Variants in HERC6 observed in about 807,000 individuals in gnomAD.
HERC6 encodes the protein probable E3 ubiquitin-protein ligase HERC6.
In HERC6, 101 loss-of-function variants were observed where a neutral mutation model predicts 114.5. The observed-to-expected ratio is 0.88, with a 90% CI of 0.75 to 1.04. The LOEUF is 1.04. Among genes scored for constraint, HERC6 ranks in the 50% least tolerant of loss-of-function variants. The pLI is 0.00. For synonymous variants in HERC6, 408 were observed against 436.2 expected (o/e 0.94, Z 0.81); for missense variants, 1,133 against 1,230.9 (o/e 0.92, Z 1.19).
At chr4:88,428,920 T>G (rs1480698148) in intron 16 of HERC6, among the ~76,000 whole-genome samples, 170 bp downstream of exon 16, 1 of 152,276 alleles carries the variant, frequency 6.6e-6, no homozygotes, top group African/African-American at 2.4e-5. Flanking sequence ...GATGCTTAAC[T>G]GCACAGTGGG....
At chr4:88,383,058 T>G (rs1445738977) in intron 1 of HERC6, 163 bp from the exon 2 acceptor site, 7 of 791,500 alleles carry the variant, frequency 8.8e-6, no homozygotes, top group Non-Finnish European at 1.4e-5. Context: ...ATTTACTTCC[T>G]TCAGACATTT....
chr4:88,442,625 C>T lies in HERC6; in HGVS notation c.*165C>T, dbSNP rs191628041. 70 of 640,066 alleles carry T rather than the reference C, an allele frequency of 1.1e-4. No homozygotes were observed. The East Asian group carries it at 1.7e-3, about 15-fold the overall frequency. The allele number at this position is 640,066 out of a possible 1,614,324, so 39.6% of individuals were successfully genotyped here. A position where few individuals can be genotyped will look rare whatever the true frequency, so the allele number is the denominator to read the frequency against. On this transcript the variant is annotated 3_prime_UTR_variant, in exon 23 of 23. Coordinates refer to ENST00000264346, the MANE Select transcript of HERC6 (RefSeq NM_017912.4). The stretch of plus-strand genomic sequence containing the variant: ...GATGGTCAAAGGGTGCAAAATCTCA[C>T]ACAAGACTGAGGCAGGAGAATAGGG...
intron 13 of HERC6, among the ~76,000 whole-genome samples, chr4:88,418,517 A>G (rs1336703153): frequency 1.3e-5 from 2 of 152,132 alleles, no homozygotes; most frequent in Non-Finnish European, 2.9e-5. Context: ...TTCTGGCTCA[A>G]AGAGCTACAG....
rs960132797 is a variant in HERC6, at chr4:88,397,984, GA to G, written c.1025-151del. The G allele has an allele frequency of 1.6e-3, 846 of 541,312 alleles. 3 individuals carry two copies. The highest frequency in any genetic ancestry group is 2.5e-3 in the Non-Finnish European group (779 of 305,782). The allele number at this position is 541,312 out of a possible 1,614,324, so 33.5% of individuals were successfully genotyped here. ...TCTTTTATTTCAATATGATGGGAGG[GA>G]AAAAAAGAAAAAAATTAATCTTTTA... On this transcript the variant is annotated intron_variant, in intron 7 of 22. Coordinates refer to ENST00000264346, the MANE Select transcript of HERC6 (RefSeq NM_017912.4).
chr4:88,431,426 G>C (rs1191942769), intron 17 of HERC6, 121 bp downstream of exon 17: 9 of 1,159,534 alleles, frequency 7.8e-6, no homozygotes, highest in Non-Finnish European at 9.7e-6. Context: ...CTCATATTTT[G>C]AGTAGTACTC....
chr4:88,404,907 C>T lies in HERC6; in HGVS notation c.1124C>T (p.Thr375Ile). The stretch of plus-strand genomic sequence containing the variant: ...AGTTCCACACGTGCTCCCGGGAAAA[C>T]CCTGCCAGAAATAAGCCGAATTAGC... ...DTSSTRAPGK[T>I]LPEISRISQS... The change falls in exon 9 of 23, where the codon ACC (threonine) becomes ATC (isoleucine). Residue 375 changes from threonine to isoleucine, a missense_variant. Thr to Ile is a moderately conservative substitution (Grantham distance 89). Transcript: ENST00000264346. 1 of 1,613,760 alleles carries T rather than the reference C, an allele frequency of 6.2e-7. No individual in the cohort carries two copies. The highest frequency in any genetic ancestry group is 8.5e-7 in the Non-Finnish European group (1 of 1,179,746).
chr4:88,436,809 C>A, intron 18 of HERC6, 96 bp from the exon 19 acceptor site: 2 of 724,384 alleles, frequency 2.8e-6, no homozygotes, highest in East Asian at 3.0e-5. Flanking sequence ...ATATTTTATA[C>A]ATTTCTATAT....
intron 11 of HERC6, among the ~76,000 whole-genome samples, chr4:88,411,293 A>C (rs1355870133): frequency 6.6e-6 from 1 of 152,166 alleles, no homozygotes; most frequent in Non-Finnish European, 1.5e-5. Flanking sequence ...TTAATGAGAA[A>C]ACTTTGGGAA....
intron 10 of HERC6, among the ~76,000 whole-genome samples, chr4:88,406,627 G>A (rs1370039315): frequency 2.6e-5 from 4 of 152,186 alleles, no homozygotes; most frequent in African/African-American, 7.2e-5. Flanking sequence ...CAAAGATTGC[G>A]AAAGAGAATA....
At chr4:88,385,613 G>A in intron 3 of HERC6, 38 bp downstream of exon 3, 2 of 1,096,010 alleles carry the variant, frequency 1.8e-6, no homozygotes, top group South Asian at 1.5e-5. Context: ...TGAGTAGGAA[G>A]TAATTTTTTG....
chr4:88,424,522 GA>G (rs1737399922), intron 14 of HERC6, 72 bp from the exon 15 acceptor site: 1 of 1,120,918 alleles, frequency 8.9e-7, no homozygotes. Flanking sequence ...AAAAAAAGGC[GA>G]TAAGGTAAAG....
intron 13 of HERC6, among the ~76,000 whole-genome samples, chr4:88,422,716 G>A (rs576103056): frequency 4.1e-4 from 63 of 152,204 alleles, no homozygotes; most frequent in Middle Eastern, 3.4e-3. Context: ...GCCCCTGTGA[G>A]GTTTCTGGAC....
At chr4:88,395,697 A>T (rs80215316) in intron 5 of HERC6, among the ~76,000 whole-genome samples, 5,065 of 150,174 alleles carry the variant, frequency 0.034, 263 homozygotes, top group African/African-American at 0.11. Context: ...TTTTTTTTTT[A>T]AATTTGTGTA....
intron 12 of HERC6, among the ~76,000 whole-genome samples, chr4:88,414,974 C>G (rs1002898066): frequency 7.9e-5 from 12 of 152,082 alleles, no homozygotes; most frequent in African/African-American, 2.9e-4. Context: ...CAGCAGTAAG[C>G]TATCAGCATA....
chr4:88,383,177 A>C, intron 1 of HERC6, 44 bp from the exon 2 acceptor site: 1 of 1,585,648 alleles, frequency 6.3e-7, no homozygotes, highest in East Asian at 2.3e-5. Context: ...TAAATTAATA[A>C]TCTGCAGTGG....
chr4:88,416,479 GAATT>G (rs1736490434), intron 12 of HERC6, among the ~76,000 whole-genome samples: 1 of 151,848 alleles, frequency 6.6e-6, no homozygotes, highest in Non-Finnish European at 1.5e-5. Flanking sequence ...TTGCTATGCA[GAATT>G]ATTTTAAAAA....
intron 15 of HERC6, 60 bp from the exon 16 acceptor site, chr4:88,428,520 A>T: frequency 7.6e-7 from 1 of 1,316,554 alleles, no homozygotes; most frequent in Non-Finnish European, 1.0e-6. Flanking sequence ...AGTATTAAAC[A>T]ATCCTTGGGA....
chr4:88,390,887 G>T lies in HERC6; in HGVS notation c.664+8G>T. 6.2e-7 allele frequency: 1 copy of T among 1,604,168 alleles called. No homozygotes were observed. The highest frequency in any genetic ancestry group is 1.1e-5 in the South Asian group (1 of 90,262). The stretch of plus-strand genomic sequence containing the variant: ...GTGGGCGTAATGTCCCAGGTAAGGA[G>T]ATAGTCTTGTTTGTGCAGTAAATCA... On this transcript the variant is annotated splice_region_variant and intron_variant, in intron 4 of 22. Transcript: ENST00000264346.
chr4:88,383,487 A>C (rs2110228779), intron 2 of HERC6, 107 bp downstream of exon 2: 1 of 882,568 alleles, frequency 1.1e-6, no homozygotes, highest in Non-Finnish European at 1.6e-6. Flanking sequence ...GGCCAGCTGC[A>C]GTGGTTCATG....
Sources: gnomAD v4.1 joint callset for allele counts (sites outside exome capture counted in the v4.1 genomes callset) on GRCh38, gnomAD v4.1.1 for gene constraint, MANE v1.5 for transcripts, NCBI Gene and HGNC (gene_info 2026-07-23, HGNC 2026-07-21) for gene names.